Variants in PACS2 observed in about 807,000 individuals in gnomAD.
The protein encoded by PACS2 is phosphofurin acidic cluster sorting protein 2, also known as PACS1-like protein.
In PACS2, 36 loss-of-function variants were observed where a neutral mutation model predicts 113.0. The observed-to-expected ratio is 0.32, with a 90% CI of 0.24 to 0.42. The LOEUF is 0.42. Among genes scored for constraint, PACS2 ranks in the 10% least tolerant of loss-of-function variants. PACS2 has a pLI of 1.00. For missense variants in PACS2, 1,015 were observed against 1,239.5 expected (o/e 0.82, Z 2.72); for synonymous variants, 589 against 536.1 (o/e 1.10, Z -1.36).
In PACS2 at chr14:105,396,371, G is replaced by C. The variant is rs964892807; in HGVS notation, c.*1699G>C. 2 of 152,310 alleles carry C rather than the reference G, an allele frequency of 1.3e-5. No individual in the cohort carries two copies. The highest frequency in any genetic ancestry group is 4.8e-5 in the African/African-American group (2 of 41,414). The allele number at this position is 152,310 out of a possible 1,614,324, so 9.4% of individuals were successfully genotyped here. The stretch of plus-strand genomic sequence containing the variant: ...AGGCTCTGCCCCGAGAAGTGTCTGC[G>C]GTGAGGGTGTGAGCCCCGGGCTGAT... On this transcript the variant is annotated 3_prime_UTR_variant, in exon 25 of 25. Coordinates refer to ENST00000447393, the MANE Select transcript of PACS2 (RefSeq NM_001100913.3).
chr14:105,306,610 T>G (rs867508150), intron 1 of PACS2, among the ~76,000 whole-genome samples: 37 of 151,088 alleles, frequency 2.4e-4, no homozygotes, highest in African/African-American at 8.5e-4. Context: ...GCCTGTTTTT[T>G]GGGGGTTTTT....
At chr14:105,386,312 C>T (rs2081174714) in intron 19 of PACS2, among the ~76,000 whole-genome samples, 1 of 152,146 alleles carries the variant, frequency 6.6e-6, no homozygotes, top group African/African-American at 2.4e-5. Context: ...CTTGGGCCCC[C>T]TACACACTGC....
chr14:105,383,338 C>T (rs1185950355), intron 15 of PACS2, 21 bp from the exon 16 acceptor site: 1 of 1,604,384 alleles, frequency 6.2e-7, no homozygotes, highest in Non-Finnish European at 8.5e-7. Flanking sequence ...CCTCTCCGTC[C>T]CACCTGCCTC....
At chr14:105,313,758 C>G (rs888625214), upstream of PACS2, among the ~76,000 whole-genome samples, 1 of 152,252 alleles carries the variant, frequency 6.6e-6, no homozygotes, top group Admixed American at 6.5e-5. Flanking sequence ...AACTGTGAAA[C>G]AAGGAAACAG....
At chr14:105,371,323 T>C (rs1287219327) in intron 8 of PACS2, 2 of 152,256 alleles carry the variant, frequency 1.3e-5, no homozygotes, top group Non-Finnish European at 2.9e-5. Context: ...GTGGGTGTTC[T>C]TGGTTGAATC....
intron 20 of PACS2, chr14:105,390,799 C>G (rs1325061472): frequency 3.8e-6 from 1 of 264,004 alleles, no homozygotes; most frequent in East Asian, 9.3e-5. Context: ...TCCCATGCAA[C>G]CAAGGCCCTG....
chr14:105,332,604 G>T (rs1442842204), intron 1 of PACS2, among the ~76,000 whole-genome samples: 1 of 152,208 alleles, frequency 6.6e-6, no homozygotes, highest in Non-Finnish European at 1.5e-5. Flanking sequence ...GGAAGGTTTG[G>T]TGTCTGACCC....
chr14:105,384,233 G>A (rs1267210702), intron 16 of PACS2, 120 bp from the exon 17 acceptor site: 5 of 617,086 alleles, frequency 8.1e-6, no homozygotes, highest in Non-Finnish European at 1.4e-5. Flanking sequence ...CAGGAAAGTG[G>A]GCTTGTCTGG....
chr14:105,384,663 C>T (rs1555413106), intron 17 of PACS2, among the ~76,000 whole-genome samples, 200 bp downstream of exon 17: 2 of 152,218 alleles, frequency 1.3e-5, no homozygotes. Flanking sequence ...TGGGGCCTGT[C>T]TGGGAAGGGG....
chr14:105,333,767 C>T (rs2059393344), intron 1 of PACS2, among the ~76,000 whole-genome samples: 1 of 152,234 alleles, frequency 6.6e-6, no homozygotes, highest in African/African-American at 2.4e-5. Context: ...CGGCCTGTCA[C>T]CCTTCTCACT....
Position 105,394,661 on chromosome 14 carries a change from G to GCCACCTTCTAGCCCCACCCACCAGGGGGC in PACS2, c.2711_*24dup, listed in dbSNP as rs2141331671. On this transcript the variant is annotated stop_gained and frameshift_variant, in exon 25 of 25. Coordinates refer to ENST00000447393, the MANE Select transcript of PACS2 (RefSeq NM_001100913.3). LOFTEE classifies it high-confidence loss of function. ...CATCTGCATCTTCGGACACTCCAAG[G>GCCACCTTCTAGCCCCACCCACCAGGGGGC]CCACCTTCTAGCCCCACCCACCAGG... 15 of 1,610,694 alleles carry GCCACCTTCTAGCCCCACCCACCAGGGGGC rather than the reference G, an allele frequency of 9.3e-6. No homozygotes were observed. Among genetic ancestry groups the GCCACCTTCTAGCCCCACCCACCAGGGGGC allele is most frequent in the African/African-American group, 8.0e-5 (6 of 74,992 alleles).
Position 105,379,949 on chromosome 14 carries a change from T to C in PACS2, c.1050+120T>C, listed in dbSNP as rs2080922190. 1.8e-5 allele frequency: 24 copies of C among 1,305,664 alleles called. No homozygotes were observed. The South Asian group carries it at 2.7e-4, about 15-fold the overall frequency. The allele number at this position is 1,305,664 out of a possible 1,614,324, so 80.9% of individuals were successfully genotyped here. ...CTGTCCAGCTGTCCTGGAGCCACTCTGCACCCACTGTCCAGCACACTGCCA... is the reference window on the plus strand; with the variant it reads ...CTGTCCAGCTGTCCTGGAGCCACTCCGCACCCACTGTCCAGCACACTGCCA... On this transcript the variant is annotated intron_variant, in intron 10 of 24. Transcript: ENST00000447393.
chr14:105,393,441 G>C, intron 24 of PACS2, 106 bp downstream of exon 24: 1 of 667,072 alleles, frequency 1.5e-6, no homozygotes, highest in East Asian at 2.8e-5. Flanking sequence ...GCTGTGACAC[G>C]CACATTCCAC....
At chr14:105,352,343 T>A in intron 2 of PACS2, 35 bp from the exon 3 acceptor site, 2 of 1,364,102 alleles carry the variant, frequency 1.5e-6, no homozygotes, top group South Asian at 1.2e-5. Flanking sequence ...TGATATGCAG[T>A]CCTTTGAGCT....
chr14:105,306,075 G>C (rs185825134), intron 1 of PACS2, among the ~76,000 whole-genome samples: 44 of 152,350 alleles, frequency 2.9e-4, no homozygotes, highest in African/African-American at 1.0e-3. Flanking sequence ...CAGAGAGCTG[G>C]AAAGTAATGT....
rs951989295 is a variant in PACS2 at position 105,382,845 on chromosome 14, G to A, written c.1557G>A (p.Val519=). The part of the protein sequence containing the change: ...SDVLQRHTLP[V]VCTCSPADVQ... ...TCCTGCAGAGGCACACGCTCCCCGT[G>A]GTGTGCACGTGCTCTCCTGCGGACG... The change falls in exon 15 of 25, where the codon GTG becomes GTA. Residue 519 remains valine (V), a synonymous_variant. Coordinates refer to ENST00000447393, the MANE Select transcript of PACS2 (RefSeq NM_001100913.3). 3 of 1,607,100 alleles carry A rather than the reference G, an allele frequency of 1.9e-6. No individual in the cohort carries two copies. Among genetic ancestry groups the A allele is most frequent in the Non-Finnish European group, 2.5e-6 (3 of 1,179,108 alleles).
intron 16 of PACS2, 87 bp downstream of exon 16, chr14:105,383,600 T>C: frequency 7.4e-7 from 1 of 1,347,898 alleles, no homozygotes; most frequent in Non-Finnish European, 1.0e-6. Context: ...TGGCGTGGCG[T>C]GTTGTGTGGC....
At chr14:105,344,472 A>G (rs911381129) in intron 1 of PACS2, among the ~76,000 whole-genome samples, 7 of 152,066 alleles carry the variant, frequency 4.6e-5, no homozygotes, top group African/African-American at 1.4e-4. Flanking sequence ...CCAGCTATCT[A>G]TTTCATCGTG....
intron 1 of PACS2, among the ~76,000 whole-genome samples, chr14:105,343,323 G>T (rs587757785): frequency 6.6e-6 from 1 of 152,226 alleles, no homozygotes; most frequent in Non-Finnish European, 1.5e-5. Context: ...GAGCTGCTGT[G>T]AATGTGCATT....
Sources: gnomAD v4.1 joint callset for allele counts (sites outside exome capture counted in the v4.1 genomes callset) on GRCh38, gnomAD v4.1.1 for gene constraint, MANE v1.5 for transcripts, NCBI Gene and HGNC (gene_info 2026-07-23, HGNC 2026-07-21) for gene names.